The following AMD1 variants were observed in gnomAD, a reference collection of about 807,000 sequenced individuals.
AMD1 encodes S-adenosylmethionine decarboxylase proenzyme.
A neutral mutation model predicts 40.2 loss-of-function variants in AMD1; 11 were observed. The observed-to-expected ratio is 0.27, with a 90% CI of 0.17 to 0.45. The LOEUF (loss-of-function observed/expected upper bound fraction) is 0.45. Among genes scored for constraint, AMD1 ranks in the 20% least tolerant of loss-of-function variants. The pLI is 1.00. For synonymous variants in AMD1, 121 were observed against 130.8 expected, an observed-to-expected ratio of 0.93 and a Z score of 0.51; for missense variants, 257 against 410.2, an observed-to-expected ratio of 0.63 and a Z score of 3.23.
At chr6:110,817,169 A>C in the AMD1 span, among the ~76,000 whole-genome samples, 1 of 152,198 alleles carries the variant, frequency 6.6e-6, no homozygotes, top group African/African-American at 2.4e-5. Context: ...CAAAGAAGGG[A>C]ATTGTCAATT....
At chr6:110,822,350 T>C in the AMD1 span, among the ~76,000 whole-genome samples, 2 of 152,068 alleles carry the variant, frequency 1.3e-5, no homozygotes, top group East Asian at 3.9e-4. Flanking sequence ...GATAAATTCC[T>C]GGAAATATAC....
At chr6:110,867,027 A>G in the AMD1 span, among the ~76,000 whole-genome samples, 29 of 151,796 alleles carry the variant, frequency 1.9e-4, no homozygotes, top group Admixed American at 6.6e-4. Flanking sequence ...GTTAGCCAGG[A>G]TGGTCTCGAT....
At chr6:110,879,549 T>A (rs1465034123) in intron 1 of AMD1, among the ~76,000 whole-genome samples, 1 of 152,222 alleles carries the variant, frequency 6.6e-6, no homozygotes, top group African/African-American at 2.4e-5. Flanking sequence ...CTGAATTCAC[T>A]GCCGCAGGAA....
the AMD1 span, among the ~76,000 whole-genome samples, chr6:110,861,170 A>T: frequency 4.6e-5 from 7 of 152,178 alleles, no homozygotes; most frequent in South Asian, 1.5e-3. Context: ...CATCCTGGCT[A>T]ACATGGTGAA....
the AMD1 span, among the ~76,000 whole-genome samples, chr6:110,819,637 G>A: frequency 6.6e-6 from 1 of 152,118 alleles, no homozygotes; most frequent in East Asian, 1.9e-4. Flanking sequence ...AGTACCTATG[G>A]GGGCATCAAG....
rs200987912 is a variant in AMD1, at chr6:110,893,463, T to C, written c.865-13T>C. 14 of 1,611,928 alleles carry C rather than the reference T, an allele frequency of 8.7e-6. No individual in the cohort carries two copies. In the South Asian group the frequency reaches 1.2e-4, roughly 14 times the overall value. ...ATTGCAAACACTAACGGTTATTTAA[T>C]TTTTTCCCCCAGAGTTCTAAATGTC... is the stretch of plus-strand genomic sequence containing the variant. On this transcript the variant is annotated splice_polypyrimidine_tract_variant and intron_variant, in intron 8 of 8. Transcript: ENST00000368885.
chr6:110,843,731 G>A, the AMD1 span, among the ~76,000 whole-genome samples: 1 of 151,914 alleles, frequency 6.6e-6, no homozygotes, highest in Non-Finnish European at 1.5e-5. Context: ...GACTACAGGC[G>A]TGCACCACCA....
the AMD1 span, among the ~76,000 whole-genome samples, chr6:110,820,300 G>A: frequency 6.6e-6 from 1 of 150,410 alleles, no homozygotes; most frequent in Admixed American, 6.6e-5. Context: ...GCAATGGTGC[G>A]ATCTTGGCTC....
intron 1 of AMD1, among the ~76,000 whole-genome samples, chr6:110,879,308 T>G (rs560727102): frequency 2.6e-4 from 39 of 152,326 alleles, no homozygotes; most frequent in Non-Finnish European, 5.0e-4. Context: ...GAAATGAGAT[T>G]GCACCAGTGC....
the AMD1 span, among the ~76,000 whole-genome samples, chr6:110,841,090 C>T: frequency 3.9e-5 from 6 of 152,158 alleles, no homozygotes; most frequent in Admixed American, 2.0e-4. Flanking sequence ...CTCAGCTCAC[C>T]GCAACCTCCA....
the AMD1 span, among the ~76,000 whole-genome samples, chr6:110,855,065 C>CTCTCTTTTTTTTTTTT: frequency 6.2e-5 from 5 of 80,444 alleles, no homozygotes; most frequent in Non-Finnish European, 1.2e-4. Context: ...CTCTCTCTCT[C>CTCTCTTTTTTTTTTTT]TTTTTTTTTT....
chr6:110,848,774 G>A, the AMD1 span: 7 of 233,548 alleles, frequency 3.0e-5, no homozygotes, highest in Non-Finnish European at 4.3e-5. Context: ...CACCAAAGTG[G>A]GAGTATTGCT....
Position 110,894,515 on chromosome 6 carries a change from T to C in AMD1, c.*899T>C, listed in dbSNP as rs1299230634. On this transcript the variant is annotated 3_prime_UTR_variant, in exon 9 of 9. Transcript: ENST00000368885. ...TGTACTGGCTGAACTGTGGAAAACATACAATTCTGTGTTCCTCAGTAAATG... is the reference window on the plus strand; with the variant it reads ...TGTACTGGCTGAACTGTGGAAAACACACAATTCTGTGTTCCTCAGTAAATG... 1 of 152,230 alleles carries C rather than the reference T, an allele frequency of 6.6e-6. No individual in the cohort carries two copies. Among genetic ancestry groups the C allele is most frequent in the Non-Finnish European group, 1.5e-5 (1 of 68,044 alleles). The allele number at this position is 152,230 out of a possible 1,614,324, so 9.4% of individuals were successfully genotyped here.
chr6:110,870,800 AGAAGGAACCTGGTTCCCT>A (rs1459371586), upstream of AMD1, among the ~76,000 whole-genome samples: 1 of 152,230 alleles, frequency 6.6e-6, no homozygotes, highest in Non-Finnish European at 1.5e-5. Context: ...AAAATGGGTT[AGAAGGAACCTGGTTCCCT>A]GAATGATCTC....
At chr6:110,869,395 G>C in the AMD1 span, among the ~76,000 whole-genome samples, 1 of 151,482 alleles carries the variant, frequency 6.6e-6, no homozygotes, top group Non-Finnish European at 1.5e-5. Flanking sequence ...GCCTCCCAAA[G>C]TGCTGGGATT....
chr6:110,816,042 T>G, the AMD1 span: 1 of 152,222 alleles, frequency 6.6e-6, no homozygotes, highest in Admixed American at 6.5e-5. Flanking sequence ...TCCTGATAGG[T>G]TGATCTTTTT....
At chr6:110,882,010 C>G (rs1785433314) in intron 1 of AMD1, among the ~76,000 whole-genome samples, 1 of 152,154 alleles carries the variant, frequency 6.6e-6, no homozygotes, top group Admixed American at 6.5e-5. Context: ...CCAAATAGAT[C>G]AGTTTTATAA....
At chr6:110,856,941 A>T in the AMD1 span, among the ~76,000 whole-genome samples, 1 of 151,782 alleles carries the variant, frequency 6.6e-6, no homozygotes, top group Admixed American at 6.6e-5. Context: ...AGGCAGGTGG[A>T]TCATTTGAGG....
chr6:110,846,137 G>GTTCTCCTA, the AMD1 span, among the ~76,000 whole-genome samples: 1 of 152,134 alleles, frequency 6.6e-6, no homozygotes, highest in Non-Finnish European at 1.5e-5. Context: ...TACTTGGGAG[G>GTTCTCCTA]CTGAGGTAGG....
Sources: gnomAD v4.1 joint callset for allele counts (sites outside exome capture counted in the v4.1 genomes callset) on GRCh38, gnomAD v4.1.1 for gene constraint, MANE v1.5 for transcripts, NCBI Gene and HGNC (gene_info 2026-07-23, HGNC 2026-07-21) for gene names.